The following FAAH2 variants were observed in gnomAD, a reference collection of about 807,000 sequenced individuals.
FAAH2 encodes the protein fatty acid amide hydrolase 2.
In FAAH2, 60 loss-of-function variants were observed where a neutral mutation model predicts 36.9. The ratio of observed to expected loss-of-function variants is 1.63; its 90% CI spans 1.32 to 2.02. FAAH2 has a LOEUF of 2.02. Among genes scored for constraint, FAAH2 ranks in the 30% most tolerant of loss-of-function variants. The pLI, the probability that FAAH2 is intolerant of heterozygous loss-of-function variation, is 0.00. For missense variants in FAAH2, 689 were observed against 397.5 expected, an observed-to-expected ratio of 1.73 and a Z score of -6.23; for synonymous variants, 214 against 143.8, an observed-to-expected ratio of 1.49 and a Z score of -3.49.
chrX:57,407,519 G>A (rs972676137), intron 7 of FAAH2, among the ~76,000 whole-genome samples: 4 of 112,012 alleles, frequency 3.6e-5, no homozygotes, highest in Non-Finnish European at 5.6e-5. Flanking sequence ...CTTTTTGGGG[G>A]CCAATCTCTG....
In FAAH2 at chrX:57,478,997, T is replaced by G. The variant is rs181380343; in HGVS notation, c.1424-9760T>G. ...CTCTTTTTTGGTTCCATATGAACTT[T>G]AAAGTAGTTTTTCCCAATTCTGTGA... is the stretch of plus-strand genomic sequence containing the variant. On this transcript the variant is annotated intron_variant, in intron 10 of 10. Coordinates refer to ENST00000374900, the MANE Select transcript of FAAH2 (RefSeq NM_174912.4). 1.6e-4 allele frequency among the ~76,000 whole-genome samples: 18 copies of G among 111,801 alleles called. No individual in the cohort carries two copies. In the Admixed American group the frequency reaches 1.6e-3, roughly 10 times the overall value.
chrX:57,444,726 G>A (rs982393840), intron 8 of FAAH2, among the ~76,000 whole-genome samples: 1 of 111,500 alleles, frequency 9.0e-6, no homozygotes, highest in Non-Finnish European at 1.9e-5. Flanking sequence ...TTGTAACCTC[G>A]AGCCTACAAC....
At chrX:57,167,492 G>A in the FAAH2 span, among the ~76,000 whole-genome samples, 5 of 111,912 alleles carry the variant, frequency 4.5e-5, no homozygotes, top group African/African-American at 1.6e-4. Flanking sequence ...GAGAATGCCA[G>A]TCTCAGTGTA....
chrX:57,172,367 T>C, the FAAH2 span, among the ~76,000 whole-genome samples: 1 of 111,330 alleles, frequency 9.0e-6, no homozygotes, highest in Non-Finnish European at 1.9e-5. Flanking sequence ...AGTGCTCTGC[T>C]GCTCAGATCT....
chrX:57,394,908 C>A lies in FAAH2; in HGVS notation c.996+13879C>A, dbSNP rs773382499. On this transcript the variant is annotated intron_variant, in intron 7 of 10. Transcript: ENST00000374900. ...GCCCTGACTATTTTACTGCACCCAA[C>A]CACCACAGCATGCCTTCTGGCAATC... 9.7e-6 allele frequency: 7 copies of A among 723,532 alleles called. No homozygotes were observed. In the East Asian group the frequency reaches 1.9e-4, roughly 20 times the overall value. The allele number at this position is 723,532 out of a possible 1,213,427, so 59.6% of individuals were successfully genotyped here.
chrX:57,351,856 A>G (rs1165171430), intron 5 of FAAH2, among the ~76,000 whole-genome samples: 1 of 104,784 alleles, frequency 9.5e-6, no homozygotes, highest in Non-Finnish European at 2.0e-5. Context: ...ACAAGCCAAG[A>G]ATGGATTATT....
At chrX:57,411,778 G>A (rs1173848738) in intron 7 of FAAH2, among the ~76,000 whole-genome samples, 1 of 111,704 alleles carries the variant, frequency 9.0e-6, no homozygotes, top group Non-Finnish European at 1.9e-5. Flanking sequence ...CCTTAGGGTA[G>A]AGGTGATACA....
intron 5 of FAAH2, among the ~76,000 whole-genome samples, chrX:57,349,093 TTA>T (rs1346423618): frequency 2.1e-5 from 2 of 96,653 alleles, no homozygotes; most frequent in South Asian, 4.4e-4. Flanking sequence ...CATATATATA[TTA>T]TATATATAAT....
At chrX:57,400,027 T>C (rs2055393923) in intron 7 of FAAH2, among the ~76,000 whole-genome samples, 1 of 112,135 alleles carries the variant, frequency 8.9e-6, no homozygotes, top group Non-Finnish European at 1.9e-5. Context: ...GAAGGTCCCC[T>C]CGAGTGGTGT....
chrX:57,164,740 T>C, the FAAH2 span, among the ~76,000 whole-genome samples: 1 of 112,822 alleles, frequency 8.9e-6, no homozygotes, highest in African/African-American at 3.2e-5. Flanking sequence ...GTGGCATTTC[T>C]GGGAATGTAT....
chrX:57,306,364 C>T (rs1158723758), intron 2 of FAAH2, among the ~76,000 whole-genome samples: 1 of 111,289 alleles, frequency 9.0e-6, no homozygotes, highest in African/African-American at 3.3e-5. Flanking sequence ...GCTGTGCTGA[C>T]AATTATTCTT....
chrX:57,199,505 T>C, the FAAH2 span, among the ~76,000 whole-genome samples: 1 of 111,833 alleles, frequency 8.9e-6, no homozygotes, highest in African/African-American at 3.2e-5. Flanking sequence ...TAACATACTG[T>C]CTATCCTTGA....
chrX:57,146,826 G>T, the FAAH2 span, among the ~76,000 whole-genome samples: 2 of 111,760 alleles, frequency 1.8e-5, no homozygotes, highest in Non-Finnish European at 3.8e-5. Context: ...AGACAATCAG[G>T]TGATTTTTGT....
At chrX:57,227,531 G>T in the FAAH2 span, among the ~76,000 whole-genome samples, 1 of 111,396 alleles carries the variant, frequency 9.0e-6, no homozygotes, top group Non-Finnish European at 1.9e-5. Context: ...ATGGATACCA[G>T]TGCCTGTTCC....
chrX:57,445,453 G>A (rs764705401), intron 8 of FAAH2, among the ~76,000 whole-genome samples: 2 of 111,531 alleles, frequency 1.8e-5, no homozygotes, highest in South Asian at 7.6e-4. Context: ...CATTAAGCTA[G>A]CACAGTACGG....
chrX:57,269,201 A>G, the FAAH2 span, among the ~76,000 whole-genome samples: 3 of 111,780 alleles, frequency 2.7e-5, no homozygotes, highest in African/African-American at 9.8e-5. Context: ...TGCACCCAAC[A>G]CAGGAGCATC....
chrX:57,341,500 C>A lies in FAAH2; in HGVS notation c.742+110C>A, dbSNP rs2053685859. On this transcript the variant is annotated intron_variant, in intron 5 of 10. Transcript: ENST00000374900. ...TTATCAGGGTGATTATTATATATTTCTCAATGTTCTTAAATAAAACTAGCT... is the reference window on the plus strand; with the variant it reads ...TTATCAGGGTGATTATTATATATTTATCAATGTTCTTAAATAAAACTAGCT... 5 of 899,073 alleles carry A rather than the reference C, an allele frequency of 5.6e-6. No homozygotes were observed. In the South Asian group the frequency reaches 1.4e-4, roughly 24 times the overall value. The allele number at this position is 899,073 out of a possible 1,213,427, so 74.1% of individuals were successfully genotyped here.
the FAAH2 span, among the ~76,000 whole-genome samples, chrX:57,159,501 C>T: frequency 1.8e-5 from 2 of 110,726 alleles, no homozygotes; most frequent in African/African-American, 3.3e-5. Context: ...TTGTTTGTAT[C>T]CTCTTTTATT....
chrX:57,182,956 C>G, the FAAH2 span, among the ~76,000 whole-genome samples: 1 of 111,047 alleles, frequency 9.0e-6, no homozygotes, highest in East Asian at 2.8e-4. Flanking sequence ...AAATCAAATA[C>G]TGCATGTTCC....
Sources: allele counts gnomAD v4.1 joint callset (sites outside exome capture counted in the v4.1 genomes callset), GRCh38; gene constraint gnomAD v4.1.1; transcripts MANE v1.5; gene names NCBI Gene and HGNC (gene_info 2026-07-23, HGNC 2026-07-21).